NCMAP: variants seen among roughly 807,000 people sequenced by gnomAD.
NCMAP encodes the protein noncompact myelin-associated protein.
In NCMAP, 8 loss-of-function variants were observed where a neutral mutation model predicts 7.8. That is an observed-to-expected ratio of 1.02 (90% CI 0.60 to 1.84). The LOEUF is 1.84. NCMAP is among the 40% of genes most tolerant of loss of function. The pLI is 0.00. For synonymous variants in NCMAP, 41 were observed against 52.9 expected (o/e 0.78, Z 0.98); for missense variants, 112 against 131.4 (o/e 0.85, Z 0.72).
chr1:24,573,993 C>G (rs1651473305), intron 1 of NCMAP, among the ~76,000 whole-genome samples: 1 of 124,422 alleles, frequency 8.0e-6, no homozygotes, highest in African/African-American at 3.3e-5. Flanking sequence ...GGGAATATGT[C>G]AGTCTAGCTC....
intron 1 of NCMAP, among the ~76,000 whole-genome samples, chr1:24,594,778 T>A (rs565339688): frequency 1.3e-5 from 2 of 152,186 alleles, no homozygotes; most frequent in East Asian, 3.9e-4. Flanking sequence ...TAGTCCCAGC[T>A]ACTCAGGAAG....
At chr1:24,602,228 A>C (rs1188000386) in intron 3 of NCMAP, among the ~76,000 whole-genome samples, 1 of 152,170 alleles carries the variant, frequency 6.6e-6, no homozygotes, top group Non-Finnish European at 1.5e-5. Flanking sequence ...GTGTGTCTAC[A>C]TGATGGCATT....
At chr1:24,579,983 A>G (rs1570525222) in intron 1 of NCMAP, among the ~76,000 whole-genome samples, 2 of 152,198 alleles carry the variant, frequency 1.3e-5, no homozygotes, top group African/African-American at 2.4e-5. Context: ...AAATGTGCCT[A>G]TGAATCTCCT....
At chr1:24,604,609 T>A (rs1158873547) in intron 3 of NCMAP, among the ~76,000 whole-genome samples, 237 of 7,752 alleles carry the variant, frequency 0.031, 22 homozygotes, top group Admixed American at 0.059. Flanking sequence ...AAAAAAAATA[T>A]ATATATATAT....
intron 1 of NCMAP, among the ~76,000 whole-genome samples, chr1:24,582,083 C>T (rs1651763113): frequency 6.6e-6 from 1 of 152,172 alleles, no homozygotes; most frequent in Admixed American, 6.6e-5. Context: ...GCTGGCCTAG[C>T]GGCTCCAGGA....
intron 1 of NCMAP, among the ~76,000 whole-genome samples, chr1:24,556,796 TAG>T (rs1650910006): frequency 6.6e-6 from 1 of 151,984 alleles, no homozygotes; most frequent in South Asian, 2.1e-4. Flanking sequence ...AAGGCTGGAT[TAG>T]AGAGACCAAG....
intron 1 of NCMAP, among the ~76,000 whole-genome samples, chr1:24,592,723 C>T (rs1334294271): frequency 6.6e-6 from 1 of 152,056 alleles, no homozygotes; most frequent in East Asian, 1.9e-4. Flanking sequence ...TCGAGACCAT[C>T]TTGGCTAACA....
At chr1:24,566,403 G>C (rs1421858958) in intron 1 of NCMAP, among the ~76,000 whole-genome samples, 1 of 152,186 alleles carries the variant, frequency 6.6e-6, no homozygotes, top group East Asian at 1.9e-4. Context: ...AGAGAATATG[G>C]GATGGGAGAT....
At chr1:24,590,919 AT>A (rs891786936) in intron 1 of NCMAP, among the ~76,000 whole-genome samples, 118 of 152,338 alleles carry the variant, frequency 7.7e-4, no homozygotes, top group African/African-American at 2.7e-3. Context: ...AACACTTTCC[AT>A]ACCCCACTTC....
chr1:24,607,626 A>T lies in NCMAP; in HGVS notation c.*1879A>T, dbSNP rs1337803590. 1 of 152,090 alleles carries T rather than the reference A, an allele frequency of 6.6e-6. No homozygotes were observed. The highest frequency in any genetic ancestry group is 1.5e-5 in the Non-Finnish European group (1 of 68,010). The allele number at this position is 152,090 out of a possible 1,614,324, so 9.4% of individuals were successfully genotyped here. A position where few individuals can be genotyped will look rare whatever the true frequency, so the allele number is the denominator to read the frequency against. On this transcript the variant is annotated 3_prime_UTR_variant, in exon 4 of 4. Coordinates refer to ENST00000374392, the MANE Select transcript of NCMAP (RefSeq NM_001010980.5). ...ATGCCTGTAATCCCAGCACTTTGGG[A>T]GGCTGAGGCAGGCGGGTCACTTGAG...
At chr1:24,564,321 C>A (rs550202513) in intron 1 of NCMAP, among the ~76,000 whole-genome samples, 1 of 151,350 alleles carries the variant, frequency 6.6e-6, no homozygotes, top group Non-Finnish European at 1.5e-5. Flanking sequence ...ACCAGCCTGG[C>A]CAATATGGTG....
rs559061502 is a variant in NCMAP, at chr1:24,601,035, C to G, written c.167+11C>G. The G allele has an allele frequency of 1.2e-6, 2 of 1,612,992 alleles. No homozygotes were observed. The highest frequency in any genetic ancestry group is 8.5e-7 in the Non-Finnish European group (1 of 1,179,104). ...GAAGATGTACAACAGGTACGGATGC[C>G]CTGGGCTTTGGAACTGCCTGGACGG... On this transcript the variant is annotated intron_variant, in intron 3 of 3. Coordinates refer to ENST00000374392, the MANE Select transcript of NCMAP (RefSeq NM_001010980.5).
At position 24,608,332 on chromosome 1, in the gene NCMAP, G is replaced by A. The variant is rs931110374; in HGVS notation, c.*2585G>A. The A allele has an allele frequency of 2.0e-5, 3 of 152,202 alleles. No homozygotes were observed. Among genetic ancestry groups the A allele is most frequent in the African/African-American group, 4.8e-5 (2 of 41,442 alleles). The allele number at this position is 152,202 out of a possible 1,614,324, so 9.4% of individuals were successfully genotyped here. ...TTTATGGGCTGAACAAGGGGAGTACGGGTTTGTCCATGTGTTTGAGTAGAG... is the reference window on the plus strand; with the variant it reads ...TTTATGGGCTGAACAAGGGGAGTACAGGTTTGTCCATGTGTTTGAGTAGAG... On this transcript the variant is annotated 3_prime_UTR_variant, in exon 4 of 4. Coordinates refer to ENST00000374392, the MANE Select transcript of NCMAP (RefSeq NM_001010980.5).
intron 3 of NCMAP, among the ~76,000 whole-genome samples, chr1:24,602,746 A>AG (rs1652552916): frequency 6.6e-6 from 1 of 150,378 alleles, no homozygotes; most frequent in African/African-American, 2.5e-5. Flanking sequence ...TGGAAAAAAA[A>AG]AAAAGTTTTT....
chr1:24,561,216 G>A (rs186335769), intron 1 of NCMAP, among the ~76,000 whole-genome samples: 124 of 150,334 alleles, frequency 8.2e-4, no homozygotes, highest in African/African-American at 2.7e-3. Flanking sequence ...GCACGGTGGC[G>A]AGCACCTGTA....
At chr1:24,556,756 T>A (rs759446565) in intron 1 of NCMAP, among the ~76,000 whole-genome samples, 15 of 151,944 alleles carry the variant, frequency 9.9e-5, no homozygotes, top group Non-Finnish European at 2.1e-4. Flanking sequence ...CTGGGTATCC[T>A]TGTGGGAGGA....
At chr1:24,584,096 A>G (rs566364657) in intron 1 of NCMAP, among the ~76,000 whole-genome samples, 2 of 152,062 alleles carry the variant, frequency 1.3e-5, no homozygotes, top group African/African-American at 4.8e-5. Flanking sequence ...CCTCTGACAT[A>G]TTCACTGAGG....
chr1:24,571,710 C>T (rs549844388), intron 1 of NCMAP, among the ~76,000 whole-genome samples: 3 of 149,768 alleles, frequency 2.0e-5, no homozygotes, highest in South Asian at 2.1e-4. Context: ...CTCAGCCTCC[C>T]GAGTAGCTGG....
intron 1 of NCMAP, among the ~76,000 whole-genome samples, chr1:24,570,110 A>ATTTT (rs750896180): frequency 7.2e-6 from 1 of 139,638 alleles, no homozygotes. Flanking sequence ...ACACCTGGAA[A>ATTTT]TTTTTTTTTT....
Sources: allele counts gnomAD v4.1 joint callset (sites outside exome capture counted in the v4.1 genomes callset), GRCh38; gene constraint gnomAD v4.1.1; transcripts MANE v1.5; gene names NCBI Gene and HGNC (gene_info 2026-07-23, HGNC 2026-07-21).